The following SART3 variants were observed in gnomAD, a reference collection of about 807,000 sequenced individuals.
The protein encoded by SART3 is spliceosome associated factor 3, U4/U6 recycling protein, also known as HIV-1 Tat-interacting protein of 110kDa.
In SART3, 44 loss-of-function variants were observed where a neutral mutation model predicts 122.3. The observed-to-expected ratio is 0.36, with a 90% CI of 0.28 to 0.46. SART3 has a LOEUF of 0.46. Ranked by LOEUF, SART3 falls within the 20% of genes least tolerant of loss-of-function variation. The pLI, the probability that SART3 is intolerant of heterozygous loss-of-function variation, is 1.00. For missense variants in SART3, 1,101 were observed against 1,229.0 expected (o/e 0.90, Z 1.56); for synonymous variants, 442 against 454.0 (o/e 0.97, Z 0.34).
At chr12:108,537,723 G>C (rs1872979601) in intron 8 of SART3, 128 bp from the exon 9 acceptor site, 1 of 778,606 alleles carries the variant, frequency 1.3e-6, no homozygotes, top group African/African-American at 1.7e-5. Flanking sequence ...AATGAAATGA[G>C]CTAGACAGGA....
chr12:108,551,851 A>G (rs2030022109), intron 1 of SART3, among the ~76,000 whole-genome samples: 2 of 152,210 alleles, frequency 1.3e-5, no homozygotes, highest in South Asian at 4.1e-4. Flanking sequence ...AATAATCTGC[A>G]GGTCAAAGAG....
chr12:108,541,688 G>A (rs1446371050), intron 6 of SART3, among the ~76,000 whole-genome samples: 1 of 151,824 alleles, frequency 6.6e-6, no homozygotes, highest in South Asian at 2.1e-4. Flanking sequence ...ACAGGCGCCC[G>A]CCACCATGCC....
intron 16 of SART3, 139 bp from the exon 17 acceptor site, chr12:108,525,748 A>C: frequency 2.3e-6 from 2 of 866,564 alleles, no homozygotes; most frequent in South Asian, 1.4e-5. Flanking sequence ...AAACTTGTTA[A>C]TGGGGCCACC....
At chr12:108,550,195 G>C (rs1354740961) in intron 1 of SART3, among the ~76,000 whole-genome samples, 1 of 152,056 alleles carries the variant, frequency 6.6e-6, no homozygotes. Flanking sequence ...TGAAAAAAAT[G>C]TCACTAGCAG....
chr12:108,531,139 C>G, intron 14 of SART3, 65 bp downstream of exon 14: 1 of 1,187,534 alleles, frequency 8.4e-7, no homozygotes. Flanking sequence ...TGACAAGAAA[C>G]ATCCATACCA....
At chr12:108,541,781 A>G (rs4964264) in intron 6 of SART3, among the ~76,000 whole-genome samples, 110,160 of 151,746 alleles carry the variant, frequency 0.73, 41,690 homozygotes, top group East Asian at 0.92. Context: ...CTCATGATTC[A>G]CCTGCCTTGG....
intron 1 of SART3, among the ~76,000 whole-genome samples, chr12:108,552,191 C>A (rs1233576129): frequency 6.6e-6 from 1 of 152,068 alleles, no homozygotes; most frequent in Non-Finnish European, 1.5e-5. Flanking sequence ...AGGGAAACAA[C>A]CTCAACCTGA....
Position 108,543,288 on chromosome 12 carries a change from T to C in SART3, c.782-136A>G. On this transcript the variant is annotated intron_variant, in intron 5 of 18. Coordinates refer to ENST00000546815, the MANE Select transcript of SART3 (RefSeq NM_014706.4). ...ATGGCAGCTCTTACTGATCAAATTCTGATTTCTGCTGAGCCCAAACCTGTC... is the reference window on the plus strand; with the variant it reads ...ATGGCAGCTCTTACTGATCAAATTCCGATTTCTGCTGAGCCCAAACCTGTC... 3.9e-6 allele frequency: 4 copies of C among 1,016,146 alleles called. No individual in the cohort carries two copies. In the South Asian group the frequency reaches 6.4e-5, roughly 16 times the overall value. The allele number at this position is 1,016,146 out of a possible 1,614,324, so 62.9% of individuals were successfully genotyped here. A position where few individuals can be genotyped will look rare whatever the true frequency, so the allele number is the denominator to read the frequency against.
At chr12:108,538,281 C>G in intron 7 of SART3, 78 bp from the exon 8 acceptor site, 1 of 1,493,230 alleles carries the variant, frequency 6.7e-7, no homozygotes, top group Non-Finnish European at 9.3e-7. Context: ...CCAGCACGAC[C>G]AAGTGATGAA....
intron 10 of SART3, 61 bp downstream of exon 10, chr12:108,536,647 C>G (rs1400281235): frequency 6.2e-7 from 1 of 1,608,814 alleles, no homozygotes; most frequent in Non-Finnish European, 8.5e-7. Flanking sequence ...GTACATCAAC[C>G]AGGAAATAGT....
At chr12:108,535,738 G>A (rs1237182832) in intron 11 of SART3, among the ~76,000 whole-genome samples, 5 of 148,888 alleles carry the variant, frequency 3.4e-5, no homozygotes, top group Admixed American at 2.7e-4. Context: ...AGATAGTCAC[G>A]TTTTTTATTT....
At chr12:108,546,589 C>A (rs1189458852) in intron 3 of SART3, among the ~76,000 whole-genome samples, 3 of 150,554 alleles carry the variant, frequency 2.0e-5, no homozygotes, top group Non-Finnish European at 2.9e-5. Flanking sequence ...GGCACAATCT[C>A]GGCCCACTGC....
intron 18 of SART3, 183 bp from the exon 19 acceptor site, chr12:108,523,817 G>C (rs1239199493): frequency 1.5e-6 from 1 of 659,622 alleles, no homozygotes; most frequent in Non-Finnish European, 2.6e-6. Context: ...CAACAGACTT[G>C]GCCTTGTTCA....
chr12:108,535,688 A>T (rs1296194634), intron 11 of SART3: 5 of 570,316 alleles, frequency 8.8e-6, no homozygotes, highest in Non-Finnish European at 1.3e-5. Flanking sequence ...GTTTCCTGAG[A>T]ACCGAGAGAG....
chr12:108,528,804 A>T (rs1304585446), intron 15 of SART3, among the ~76,000 whole-genome samples: 1 of 152,076 alleles, frequency 6.6e-6, no homozygotes, highest in East Asian at 1.9e-4. Context: ...GAATAGAGGG[A>T]GCCAAGTTTC....
intron 12 of SART3, chr12:108,532,554 G>A (rs1410185328): frequency 2.0e-6 from 1 of 498,134 alleles, no homozygotes; most frequent in Non-Finnish European, 3.7e-6. Context: ...AGCCATGTAG[G>A]GGCTACTGGA....
chr12:108,535,426 C>T lies in SART3; in HGVS notation c.1489G>A (p.Asp497Asn). The T allele has an allele frequency of 6.2e-7, 1 of 1,614,132 alleles. No homozygotes were observed. The highest frequency in any genetic ancestry group is 8.5e-7 in the Non-Finnish European group (1 of 1,180,002). Residue 497 changes from aspartate (D) to asparagine (N), a missense_variant, in exon 12 of 19, where the codon GAT (aspartate) becomes AAT (asparagine). By Grantham distance (23) the Asp-to-Asn change is conservative (BLOSUM62 1). Around this residue, in one of 2 missense-constraint regions of SART3, gnomAD observed 885 missense variants for 1,080.1 expected, o/e 0.82. Coordinates refer to ENST00000546815, the MANE Select transcript of SART3 (RefSeq NM_014706.4). ...NNMQKARELW[D>N]SIMTRGNAKY... is the part of the protein sequence containing the mutation. ...GCATTTCCTCTGGTCATGATGCTAT[C>T]CCAGAGTTCCCGAGCTTTCTGCATG... is the stretch of plus-strand genomic sequence containing the variant.
chr12:108,531,103 G>T, intron 14 of SART3, 101 bp downstream of exon 14: 1 of 850,790 alleles, frequency 1.2e-6, no homozygotes, highest in Non-Finnish European at 2.0e-6. Context: ...CTGAGTAAAA[G>T]ACACTTAGGA....
In SART3 at chr12:108,522,225, C is replaced by T. The variant is rs192068957; in HGVS notation, c.*1232G>A. Among the ~76,000 whole-genome samples, 96 of 152,228 alleles carry T rather than the reference C, an allele frequency of 6.3e-4. No homozygotes were observed. Among genetic ancestry groups the T allele is most frequent in the Admixed American group, 6.2e-3 (95 of 15,280 alleles). On this transcript the variant is annotated 3_prime_UTR_variant, in exon 19 of 19. Transcript: ENST00000546815. ...TGCTGGAAGCTGAATGGTAGGCACA[C>T]AGGAGTTTATTTTACTGTTCTGTCT...
Sources: gnomAD v4.1 joint callset for allele counts (sites outside exome capture counted in the v4.1 genomes callset) on GRCh38, gnomAD v4.1.1 for gene constraint, gnomAD v4.1.1 regional missense constraint, MANE v1.5 for transcripts, NCBI Gene and HGNC (gene_info 2026-07-23, HGNC 2026-07-21) for gene names.